The following OPN3 variants were observed in gnomAD, a reference collection of about 807,000 sequenced individuals.
OPN3 encodes the protein opsin-3.
Under a neutral mutation model 33.8 loss-of-function variants are expected in OPN3, and 29 were observed. The ratio of observed to expected loss-of-function variants is 0.86; its 90% CI spans 0.64 to 1.17. OPN3 has a LOEUF of 1.17. Among genes scored for constraint, OPN3 ranks in the 50% most tolerant of loss-of-function variants. The pLI, the probability that OPN3 is intolerant of heterozygous loss-of-function variation, is 0.00. For synonymous variants in OPN3, 216 were observed against 216.1 expected (o/e 1.00, Z 0.00); for missense variants, 437 against 514.1 (o/e 0.85, Z 1.45).
chr1:241,598,137 C>A (rs1049135568), intron 2 of OPN3, 140 bp from the exon 3 acceptor site: 5 of 951,450 alleles, frequency 5.3e-6, no homozygotes, highest in Non-Finnish European at 6.1e-6. Flanking sequence ...GGCAGGCTGA[C>A]TTCTGATCCA....
At chr1:241,611,060 A>G (rs999547477) in intron 1 of OPN3, among the ~76,000 whole-genome samples, 3 of 152,326 alleles carry the variant, frequency 2.0e-5, no homozygotes, top group Admixed American at 6.5e-5. Context: ...AAGTGGGTGG[A>G]AGGCATGGGA....
intron 1 of OPN3, among the ~76,000 whole-genome samples, chr1:241,636,892 G>C (rs148400829): frequency 1.7e-4 from 26 of 151,926 alleles, no homozygotes; most frequent in African/African-American, 6.0e-4. Flanking sequence ...CCAAGCAAAA[G>C]GTCTATCTAA....
intron 2 of OPN3, among the ~76,000 whole-genome samples, chr1:241,603,455 G>A (rs1266862729): frequency 6.6e-6 from 1 of 151,252 alleles, no homozygotes; most frequent in East Asian, 1.9e-4. Flanking sequence ...ACATCTAAGT[G>A]TAGACAGATG....
At chr1:241,621,646 G>A (rs1196071417) in intron 1 of OPN3, among the ~76,000 whole-genome samples, 1 of 152,132 alleles carries the variant, frequency 6.6e-6, no homozygotes, top group Non-Finnish European at 1.5e-5. Context: ...GTTCTTGGGG[G>A]CAGCCAGGGT....
In OPN3 at chr1:241,594,437, A is replaced by T. The variant is rs775014277; in HGVS notation, c.1200T>A (p.Arg400=). Residue 400 remains arginine, a synonymous_variant, in exon 4 of 4, where the codon CGT becomes CGA. Coordinates refer to ENST00000366554, the MANE Select transcript of OPN3 (RefSeq NM_014322.3). ...NGSKVDVIQV[R]PL ...TTGCCATTCTTCATTCCTACAAAGG[A>T]CGAACTTGGATTACATCAACTTTGG... is the stretch of plus-strand genomic sequence containing the variant. 2 of 1,612,100 alleles carry T rather than the reference A, an allele frequency of 1.2e-6. No individual in the cohort carries two copies. Among genetic ancestry groups the T allele is most frequent in the African/African-American group, 2.7e-5 (2 of 74,878 alleles).
At chr1:241,635,295 T>C (rs765635139) in intron 1 of OPN3, 2 of 1,613,840 alleles carry the variant, frequency 1.2e-6, no homozygotes, top group African/African-American at 2.7e-5. Context: ...CTTTTCTGAG[T>C]GTGTTTTGCA....
chr1:241,639,996 CGCTGAG>C lies in OPN3; in HGVS notation c.253_258del (p.Leu85_Ser86del). ...ACCCCGAAGAGGGACACCAGCAGGT[CGCTGAG>C]GCTGATGTTGACCAGGAGGAGGTGA... On this transcript the variant is annotated inframe_deletion, in exon 1 of 4. Coordinates refer to ENST00000366554, the MANE Select transcript of OPN3 (RefSeq NM_014322.3). 1 of 1,613,020 alleles carries C rather than the reference CGCTGAG, an allele frequency of 6.2e-7. No homozygotes were observed. The highest frequency in any genetic ancestry group is 8.5e-7 in the Non-Finnish European group (1 of 1,179,596).
In OPN3 at chr1:241,594,464, C is replaced by A; in HGVS notation, c.1173G>T (p.Gly391=). The change falls in exon 4 of 4, where the codon GGG becomes GGT. Residue 391 remains glycine, a synonymous_variant. Coordinates refer to ENST00000366554, the MANE Select transcript of OPN3 (RefSeq NM_014322.3). The part of the protein sequence containing the change: ...LSVDDSDKTN[G]SKVDVIQVRP... ...GAACTTGGATTACATCAACTTTGGA[C>A]CCATTGGTTTTGTCGCTGTCGTCAA... 1 of 1,614,086 alleles carries A rather than the reference C, an allele frequency of 6.2e-7. No individual in the cohort carries two copies. Among genetic ancestry groups the A allele is most frequent in the South Asian group, 1.1e-5 (1 of 91,080 alleles).
chr1:241,615,752 C>T, intron 1 of OPN3: 3 of 437,688 alleles, frequency 6.9e-6, no homozygotes, highest in South Asian at 4.8e-5. Flanking sequence ...CAAGCTCCTA[C>T]TCCCAACTGT....
intron 1 of OPN3, among the ~76,000 whole-genome samples, chr1:241,627,076 C>A (rs527352991): frequency 6.6e-6 from 1 of 152,168 alleles, no homozygotes; most frequent in East Asian, 1.9e-4. Context: ...TAGCAACAAG[C>A]AAATGCCAAG....
intron 1 of OPN3, chr1:241,635,156 G>A: frequency 3.7e-6 from 6 of 1,612,828 alleles, no homozygotes; most frequent in Non-Finnish European, 5.1e-6. Context: ...ATCTTCTACT[G>A]TAGATTTGCT....
At chr1:241,613,257 C>T (rs1422032620) in intron 1 of OPN3, among the ~76,000 whole-genome samples, 1 of 152,164 alleles carries the variant, frequency 6.6e-6, no homozygotes, top group Non-Finnish European at 1.5e-5. Context: ...TGTTATCTCA[C>T]TTAATCTTCA....
chr1:241,638,897 T>C (rs140416931), intron 1 of OPN3, among the ~76,000 whole-genome samples: 99 of 152,314 alleles, frequency 6.5e-4, no homozygotes, highest in African/African-American at 2.3e-3. Context: ...AGCAATAAAG[T>C]ATCAATGGAT....
rs746222240 is a variant in OPN3, at chr1:241,594,667, G to A, written c.970C>T (p.Leu324=). Residue 324 remains leucine, a synonymous_variant, in exon 4 of 4, where the codon CTG becomes TTG. Coordinates refer to ENST00000366554, the MANE Select transcript of OPN3 (RefSeq NM_014322.3). ...RKFRRSLLQL[L]CLRLLRCQRP... is the part of the protein sequence containing the mutation. ...TGGCACCTCAGCAGTCGGAGGCACA[G>A]AAGCTGCAAAAGGGATCTTCGAAAC... 6.2e-7 allele frequency: 1 copy of A among 1,613,936 alleles called. No homozygotes were observed. The highest frequency in any genetic ancestry group is 1.1e-5 in the South Asian group (1 of 91,046).
At chr1:241,634,606 C>G in intron 1 of OPN3, 1 of 1,613,814 alleles carries the variant, frequency 6.2e-7, no homozygotes, top group Non-Finnish European at 8.5e-7. Flanking sequence ...TACAGAAACC[C>G]TGGGGAATTT....
intron 1 of OPN3, chr1:241,635,618 A>C (rs1273610743): frequency 1.9e-6 from 3 of 1,614,130 alleles, no homozygotes; most frequent in Admixed American, 1.7e-5. Flanking sequence ...TGAAAAGCTG[A>C]AACTAGCCCA....
intron 1 of OPN3, among the ~76,000 whole-genome samples, chr1:241,622,528 CTG>C (rs1664292692): frequency 6.6e-6 from 1 of 152,206 alleles, no homozygotes; most frequent in Non-Finnish European, 1.5e-5. Flanking sequence ...CAATAGTCCT[CTG>C]TGTACCTACT....
In OPN3 at chr1:241,617,474, G is replaced by A. The variant is rs1255604091; in HGVS notation, c.374-12895C>T. On this transcript the variant is annotated intron_variant, in intron 1 of 3. Coordinates refer to ENST00000366554, the MANE Select transcript of OPN3 (RefSeq NM_014322.3). Reference sequence around the variant, plus strand: ...CCAGAAGAGCAAATGAAAAATATGAGGGAATCTCAGAGGCACTGAATTAAA... The same window carrying A: ...CCAGAAGAGCAAATGAAAAATATGAAGGAATCTCAGAGGCACTGAATTAAA... Among the ~76,000 whole-genome samples the A allele has an allele frequency of 5.3e-5, 8 of 152,124 alleles. No homozygotes were observed. In the East Asian group the frequency reaches 1.5e-3, roughly 29 times the overall value.
At chr1:241,601,521 G>T (rs1426650130) in intron 2 of OPN3, among the ~76,000 whole-genome samples, 1 of 152,016 alleles carries the variant, frequency 6.6e-6, no homozygotes, top group Non-Finnish European at 1.5e-5. Context: ...TGGCCAACAT[G>T]GTGAAACCCC....
Sources: gnomAD v4.1 joint callset for allele counts (sites outside exome capture counted in the v4.1 genomes callset) on GRCh38, gnomAD v4.1.1 for gene constraint, MANE v1.5 for transcripts, NCBI Gene and HGNC (gene_info 2026-07-23, HGNC 2026-07-21) for gene names.